Variants in SCN10A observed in about 807,000 individuals in gnomAD.
The protein encoded by SCN10A is sodium voltage-gated channel alpha subunit 10, also known as sodium channel protein type 10 subunit alpha.
A neutral mutation model predicts 170.7 loss-of-function variants in SCN10A; 162 were observed. That is an observed-to-expected ratio of 0.95 (90% confidence interval 0.84 to 1.08). The LOEUF (loss-of-function observed/expected upper bound fraction) is 1.08. Ranked by LOEUF, SCN10A falls within the 50% of genes least tolerant of loss-of-function variation. The pLI is 0.00. For synonymous variants in SCN10A, 985 were observed against 904.6 expected (o/e 1.09, Z -1.59); for missense variants, 2,527 against 2,436.9 (o/e 1.04, Z -0.78).
intron 4 of SCN10A, among the ~76,000 whole-genome samples, chr3:38,784,215 A>C (rs1438616703): frequency 6.6e-6 from 1 of 152,082 alleles, no homozygotes; most frequent in Non-Finnish European, 1.5e-5. Context: ...ATATGTAATA[A>C]AGTTTTTCTT....
chr3:38,733,307 C>T (rs2063528933), intron 15 of SCN10A, among the ~76,000 whole-genome samples: 1 of 152,128 alleles, frequency 6.6e-6, no homozygotes, highest in South Asian at 2.1e-4. Context: ...TGGAGTCCCA[C>T]CTAGAGCTGT....
intron 14 of SCN10A, among the ~76,000 whole-genome samples, chr3:38,740,586 G>C (rs1003406525): frequency 6.6e-6 from 1 of 152,164 alleles, no homozygotes; most frequent in Admixed American, 6.5e-5. Flanking sequence ...TTGAGGTCTT[G>C]TGTCTTCCAG....
chr3:38,728,315 C>T (rs1186493927), intron 16 of SCN10A, among the ~76,000 whole-genome samples: 1 of 152,216 alleles, frequency 6.6e-6, no homozygotes, highest in Non-Finnish European at 1.5e-5. Flanking sequence ...AGAGATTCTA[C>T]ACCAGGTCTT....
intron 5 of SCN10A, among the ~76,000 whole-genome samples, chr3:38,764,651 A>C (rs751383252): frequency 2.0e-5 from 3 of 152,128 alleles, no homozygotes; most frequent in Non-Finnish European, 4.4e-5. Flanking sequence ...ATATTTTTGC[A>C]GTTGTAAACT....
At chr3:38,737,773 T>C (rs185287024) in intron 15 of SCN10A, among the ~76,000 whole-genome samples, 774 of 66,628 alleles carry the variant, frequency 0.012, 8 homozygotes, top group African/African-American at 0.05. Context: ...TCCCTCCCTC[T>C]CTCTCTCCCT....
intron 1 of SCN10A, among the ~76,000 whole-genome samples, chr3:38,796,363 TG>T (rs2064341822): frequency 6.6e-6 from 1 of 152,202 alleles, no homozygotes; most frequent in African/African-American, 2.4e-5. Flanking sequence ...ATCATACTGC[TG>T]GTCCAATCAC....
chr3:38,722,877 T>A (rs763681979), intron 19 of SCN10A, among the ~76,000 whole-genome samples: 1 of 152,218 alleles, frequency 6.6e-6, no homozygotes, highest in Admixed American at 6.5e-5. Flanking sequence ...AAAAAATTTT[T>A]CTTTGTATTT....
intron 11 of SCN10A, among the ~76,000 whole-genome samples, chr3:38,754,671 G>A (rs115578032): frequency 0.012 from 1,764 of 152,304 alleles, 38 homozygotes; most frequent in African/African-American, 0.039. Context: ...CAAGAAAGAG[G>A]AGGGCACAGA....
chr3:38,718,170 A>C (rs2063351902), intron 21 of SCN10A, among the ~76,000 whole-genome samples: 1 of 152,206 alleles, frequency 6.6e-6, no homozygotes, highest in African/African-American at 2.4e-5. Flanking sequence ...ACCCAAGACC[A>C]ATAAGATCAG....
intron 27 of SCN10A, among the ~76,000 whole-genome samples, chr3:38,699,477 G>A (rs143101885): frequency 9.8e-5 from 15 of 152,308 alleles, no homozygotes; most frequent in South Asian, 2.1e-4. Context: ...AGGAAAAATG[G>A]TGAGGGATGT....
intron 26 of SCN10A, among the ~76,000 whole-genome samples, chr3:38,705,722 G>A (rs888251714): frequency 2.0e-5 from 3 of 152,144 alleles, no homozygotes; most frequent in African/African-American, 7.2e-5. Flanking sequence ...TGTGGGGGAA[G>A]GTGCCAAAAA....
rs768010524 is a variant in SCN10A at position 38,742,493 on chromosome 3, A to G, written c.1904T>C (p.Leu635Ser). ...EESEQKCPPC[L>S]TSLSQKYLIW... The stretch of plus-strand genomic sequence containing the variant: ...CAGATACTTCTGAGACAAGCTGGTC[A>G]AGCAGGGTGGGCACTTCTGTTCAGA... The change falls in exon 14 of 28, where the codon TTG (leucine) becomes TCG (serine). Residue 635 changes from leucine (L) to serine (S), a missense_variant. Leu to Ser is a moderately radical substitution (Grantham distance 145). Coordinates refer to ENST00000449082, the MANE Select transcript of SCN10A (RefSeq NM_006514.4). 6.2e-7 allele frequency: 1 copy of G among 1,614,194 alleles called. No individual in the cohort carries two copies. Among genetic ancestry groups the G allele is most frequent in the South Asian group, 1.1e-5 (1 of 91,076 alleles).
chr3:38,742,877 C>G (rs1301774739), intron 13 of SCN10A, among the ~76,000 whole-genome samples: 1 of 152,198 alleles, frequency 6.6e-6, no homozygotes, highest in Non-Finnish European at 1.5e-5. Context: ...CCCCTCTCCT[C>G]CTTCATTGTA....
chr3:38,745,730 C>A (rs868259633), intron 13 of SCN10A, among the ~76,000 whole-genome samples: 9 of 152,182 alleles, frequency 5.9e-5, no homozygotes, highest in African/African-American at 9.6e-5. Flanking sequence ...GCCCCTGGAC[C>A]TTTTCATGTT....
chr3:38,722,825 G>T (rs1257296114), intron 19 of SCN10A, among the ~76,000 whole-genome samples: 1 of 152,186 alleles, frequency 6.6e-6, no homozygotes, highest in African/African-American at 2.4e-5. Flanking sequence ...GCTCAGCCCA[G>T]CCCAGGGTCA....
chr3:38,703,448 G>A (rs2063177796), intron 26 of SCN10A, among the ~76,000 whole-genome samples: 1 of 152,180 alleles, frequency 6.6e-6, no homozygotes. Context: ...TCTTGAAAGA[G>A]TTGTGTACAA....
chr3:38,755,276 C>T (rs1256235975), intron 11 of SCN10A, among the ~76,000 whole-genome samples: 1 of 151,920 alleles, frequency 6.6e-6, no homozygotes, highest in Non-Finnish European at 1.5e-5. Context: ...ATAAAAACCA[C>T]CTCGACGCAT....
chr3:38,752,099 G>T, intron 12 of SCN10A, 120 bp downstream of exon 12: 1 of 800,644 alleles, frequency 1.2e-6, no homozygotes, highest in Non-Finnish European at 1.8e-6. Context: ...GAGTAGAATG[G>T]GGAGGCATTG....
intron 1 of SCN10A, among the ~76,000 whole-genome samples, chr3:38,813,906 T>G (rs2064455850): frequency 1.3e-5 from 2 of 152,236 alleles, no homozygotes; most frequent in African/African-American, 4.8e-5. Flanking sequence ...TATTCCCATA[T>G]GATCCATGAC....
Sources: allele counts gnomAD v4.1 joint callset (sites outside exome capture counted in the v4.1 genomes callset), GRCh38; gene constraint gnomAD v4.1.1; transcripts MANE v1.5; gene names NCBI Gene and HGNC (gene_info 2026-07-23, HGNC 2026-07-21).